GGTA1: variants seen among roughly 807,000 people sequenced by gnomAD.
GGTA1 encodes the protein inactive N-acetyllactosaminide alpha-1,3-galactosyltransferase.
A neutral mutation model predicts 2.6 loss-of-function variants in GGTA1; 5 were observed. The observed-to-expected ratio is 1.92, with a 90% CI of 1.00 to 4.04. GGTA1 has a LOEUF of 4.04. GGTA1 is among the 30% of genes most tolerant of loss of function. The pLI, the probability that GGTA1 is intolerant of heterozygous loss-of-function variation, is 0.00. For synonymous variants in GGTA1, 17 were observed against 5.0 expected (o/e 3.38, Z -3.19); for missense variants, 50 against 16.7 (o/e 2.99, Z -3.47).
chr9:121,492,566 C>T lies in GGTA1; in HGVS notation c.-10+7084G>A, dbSNP rs552911333. On this transcript the variant is annotated intron_variant, in intron 1 of 5. Transcript: ENST00000481799. ...TTGGCTTACTACAACCTCCACGTCCCGGGTTCAAGTGATTCTCCTGCCTCA... is the reference window on the plus strand; with the variant it reads ...TTGGCTTACTACAACCTCCACGTCCTGGGTTCAAGTGATTCTCCTGCCTCA... Among the ~76,000 whole-genome samples, 25 of 152,198 alleles carry T rather than the reference C, an allele frequency of 1.6e-4. 1 individual carries two copies. The South Asian group carries it at 3.9e-3, about 24-fold the overall frequency.
chr9:121,445,955 G>A (rs928213521), exon 8 of GGTA1: 3 of 152,160 alleles, frequency 2.0e-5, no homozygotes, highest in Non-Finnish European at 4.4e-5. Flanking sequence ...TCCACTGCAG[G>A]CCTTTGCCTT....
intron 1 of GGTA1, among the ~76,000 whole-genome samples, chr9:121,477,769 G>T (rs1274095054): frequency 6.6e-6 from 1 of 151,428 alleles, no homozygotes; most frequent in Non-Finnish European, 1.5e-5. Flanking sequence ...TAGTAGAGAC[G>T]GGGTTTCACC....
intron 2 of GGTA1, among the ~76,000 whole-genome samples, chr9:121,466,246 GAA>G (rs993485754): frequency 6.6e-6 from 1 of 152,096 alleles, no homozygotes; most frequent in African/African-American, 2.4e-5. Flanking sequence ...TAAAGATAGG[GAA>G]ACTAAACAAG....
At chr9:121,496,727 A>C (rs1456632063) in intron 1 of GGTA1, among the ~76,000 whole-genome samples, 1 of 74,470 alleles carries the variant, frequency 1.3e-5, no homozygotes, top group Non-Finnish European at 2.6e-5. Context: ...GCAAGGCTCC[A>C]TCTCAAAAAA....
intron 5 of GGTA1, among the ~76,000 whole-genome samples, chr9:121,456,868 C>T (rs1355774384): frequency 2.0e-5 from 3 of 152,092 alleles, no homozygotes; most frequent in African/African-American, 7.2e-5. Context: ...GACAGGGTTT[C>T]ACTAAGTTGC....
At chr9:121,456,278 A>G (rs763641506) in intron 5 of GGTA1, among the ~76,000 whole-genome samples, 5 of 152,208 alleles carry the variant, frequency 3.3e-5, no homozygotes, top group Non-Finnish European at 7.3e-5. Context: ...CCAGTGTGAG[A>G]AGTTCCACAA....
At chr9:121,484,414 G>T (rs1828714667) in intron 1 of GGTA1, among the ~76,000 whole-genome samples, 1 of 151,844 alleles carries the variant, frequency 6.6e-6, no homozygotes. Flanking sequence ...GGCTGAAGTA[G>T]CTGGGATTAC....
At chr9:121,493,514 G>A (rs867047014) in intron 1 of GGTA1, among the ~76,000 whole-genome samples, 3 of 152,172 alleles carry the variant, frequency 2.0e-5, no homozygotes, top group African/African-American at 2.4e-5. Context: ...GCTCACGTGA[G>A]ATGAGTACAT....
At chr9:121,487,996 G>C (rs562358741) in intron 1 of GGTA1, among the ~76,000 whole-genome samples, 4 of 152,142 alleles carry the variant, frequency 2.6e-5, no homozygotes, top group Non-Finnish European at 5.9e-5. Context: ...GATTACAGGT[G>C]TGAGCCACCG....
chr9:121,475,979 A>G (rs139531089), intron 1 of GGTA1, among the ~76,000 whole-genome samples: 2 of 152,200 alleles, frequency 1.3e-5, no homozygotes, highest in African/African-American at 2.4e-5. Flanking sequence ...CTCTATTTAC[A>G]TATACAAAAT....
chr9:121,467,756 A>G lies in GGTA1; in HGVS notation c.80+87T>C, dbSNP rs1272323218. ...ATGGTTTTAGTTAATCCTAATTTCA[A>G]TTCAGCCTGGCAACTTGGATGATAC... is the stretch of plus-strand genomic sequence containing the variant. On this transcript the variant is annotated intron_variant, in intron 2 of 5. Transcript: ENST00000481799. 16 of 402,468 alleles carry G rather than the reference A, an allele frequency of 4.0e-5. No homozygotes were observed. The Middle Eastern group carries it at 1.8e-3, about 45-fold the overall frequency. The allele number at this position is 402,468 out of a possible 1,614,324, so 24.9% of individuals were successfully genotyped here. A position where few individuals can be genotyped will look rare whatever the true frequency, so the allele number is the denominator to read the frequency against.
At chr9:121,471,926 C>G (rs772091466) in intron 1 of GGTA1, among the ~76,000 whole-genome samples, 5 of 152,254 alleles carry the variant, frequency 3.3e-5, no homozygotes, top group Admixed American at 6.5e-5. Flanking sequence ...GGCCACCTCT[C>G]TGTGCCGATG....
chr9:121,470,316 G>A (rs906690352), intron 1 of GGTA1, among the ~76,000 whole-genome samples: 2 of 152,334 alleles, frequency 1.3e-5, no homozygotes, highest in South Asian at 4.1e-4. Flanking sequence ...AAGAAACAAG[G>A]TTTCTGTCTA....
intron 2 of GGTA1, 25 bp from the exon 3 acceptor site, chr9:121,463,353 C>T (rs1252814762): frequency 2.2e-6 from 1 of 452,838 alleles, no homozygotes; most frequent in Non-Finnish European, 4.4e-6. Context: ...GAAATAAAAA[C>T]ATATCATGTT....
intron 2 of GGTA1, among the ~76,000 whole-genome samples, chr9:121,464,818 C>A (rs1279285198): frequency 6.6e-6 from 1 of 152,052 alleles, no homozygotes; most frequent in Non-Finnish European, 1.5e-5. Context: ...CAAATGCTAT[C>A]CTAGATGATA....
chr9:121,449,874 A>G (rs1008897449), intron 7 of GGTA1, among the ~76,000 whole-genome samples: 2 of 151,914 alleles, frequency 1.3e-5, no homozygotes, highest in African/African-American at 2.4e-5. Context: ...AAGAAGAAGA[A>G]AAGAAAAACA....
chr9:121,479,383 C>T (rs969016877), intron 1 of GGTA1: 1 of 321,718 alleles, frequency 3.1e-6, no homozygotes, highest in South Asian at 2.5e-5. Flanking sequence ...GTAGACAGAG[C>T]CCTCAGCAGC....
intron 7 of GGTA1, among the ~76,000 whole-genome samples, chr9:121,449,860 GAA>G (rs1026529879): frequency 2.5e-5 from 2 of 80,370 alleles, no homozygotes; most frequent in African/African-American, 8.2e-5. Context: ...AAAAAAAAAA[GAA>G]GAAGAAGAAG....
At chr9:121,483,480 A>G (rs1489766099) in intron 1 of GGTA1, among the ~76,000 whole-genome samples, 1 of 152,180 alleles carries the variant, frequency 6.6e-6, no homozygotes, top group Non-Finnish European at 1.5e-5. Flanking sequence ...AAAGGAGCAC[A>G]CATTTAGGGT....
Sources: gnomAD v4.1 joint callset for allele counts (sites outside exome capture counted in the v4.1 genomes callset) on GRCh38, gnomAD v4.1.1 for gene constraint, MANE v1.5 for transcripts, NCBI Gene and HGNC (gene_info 2026-07-23, HGNC 2026-07-21) for gene names.